RAPGEF2: variants seen among roughly 807,000 people sequenced by gnomAD.
RAPGEF2 encodes PDZ domain containing guanine nucleotide exchange factor (GEF) 1.
A neutral mutation model predicts 186.7 loss-of-function variants in RAPGEF2; 54 were observed. The observed-to-expected ratio is 0.29, with a 90% confidence interval of 0.23 to 0.36. The LOEUF (loss-of-function observed/expected upper bound fraction) is 0.36, where lower values mean the gene tolerates loss of function less well. Ranked by LOEUF, RAPGEF2 falls within the 10% of genes least tolerant of loss-of-function variation. RAPGEF2 has a pLI of 1.00. For synonymous variants in RAPGEF2, 712 were observed against 705.9 expected, an observed-to-expected ratio of 1.01 and a Z score of -0.14; for missense variants, 1,532 against 2,045.0, an observed-to-expected ratio of 0.75 and a Z score of 4.84.
At chr4:159,327,097 G>A (rs1766028653) in intron 11 of RAPGEF2, 1 of 152,184 alleles carries the variant, frequency 6.6e-6, no homozygotes, top group South Asian at 2.1e-4. Flanking sequence ...ACAGTTTGCT[G>A]TGGATAAATT....
At chr4:159,230,742 A>G (rs1375011548) in intron 4 of RAPGEF2, among the ~76,000 whole-genome samples, 1 of 152,170 alleles carries the variant, frequency 6.6e-6, no homozygotes, top group African/African-American at 2.4e-5. Context: ...TCAACTAGCT[A>G]GTGAGTGAGC....
chr4:159,216,582 G>A (rs1751014064), intron 4 of RAPGEF2, among the ~76,000 whole-genome samples: 1 of 152,020 alleles, frequency 6.6e-6, no homozygotes, highest in Middle Eastern at 3.2e-3. Context: ...TATCTAGAAT[G>A]CAAGTGTAGT....
At chr4:159,321,204 CTTTT>C (rs33926132) in intron 9 of RAPGEF2, among the ~76,000 whole-genome samples, 5 of 140,184 alleles carry the variant, frequency 3.6e-5, no homozygotes, top group Non-Finnish European at 4.6e-5. Context: ...GTCACTGCCA[CTTTT>C]TTTTTTTTTT....
intron 1 of RAPGEF2, among the ~76,000 whole-genome samples, chr4:159,116,495 G>A (rs1739066429): frequency 6.6e-6 from 1 of 152,172 alleles, no homozygotes; most frequent in African/African-American, 2.4e-5. Flanking sequence ...GTGGAAGACG[G>A]TGTGGTGATT....
At chr4:159,282,445 T>C (rs1759853476) in intron 7 of RAPGEF2, 1 of 239,482 alleles carries the variant, frequency 4.2e-6, no homozygotes, top group Non-Finnish European at 8.3e-6. Context: ...GTAAGACCTG[T>C]CTTTGTAGTC....
chr4:159,168,907 A>C (rs943635119), intron 1 of RAPGEF2, among the ~76,000 whole-genome samples: 4 of 152,254 alleles, frequency 2.6e-5, no homozygotes, highest in Non-Finnish European at 4.4e-5. Context: ...AGTGGAAGAA[A>C]GCATTTGTGA....
Position 159,306,070 on chromosome 4 carries a change from A to G in RAPGEF2, c.675+1597A>G, listed in dbSNP as rs112351872. Among the ~76,000 whole-genome samples the G allele has an allele frequency of 1.9e-3, 295 of 151,848 alleles. 4 individuals are homozygous for G. Among genetic ancestry groups the G allele is most frequent in the Non-Finnish European group, 3.7e-3 (249 of 67,820 alleles). ...GTTTTAGTTATTATAACCTTGTAGTATAATTTGTTCTTTCTGCTCAAGATT... is the reference window on the plus strand; with the variant it reads ...GTTTTAGTTATTATAACCTTGTAGTGTAATTTGTTCTTTCTGCTCAAGATT... On this transcript the variant is annotated intron_variant, in intron 8 of 29. Transcript: ENST00000691494.
At chr4:159,234,594 C>T (rs11100211) in intron 4 of RAPGEF2, among the ~76,000 whole-genome samples, 51,405 of 142,078 alleles carry the variant, frequency 0.36, 9,737 homozygotes, top group Non-Finnish European at 0.41. Flanking sequence ...CTCGCTCTGT[C>T]GCCCAGGCTG....
chr4:159,277,754 C>T (rs901992483), intron 7 of RAPGEF2, among the ~76,000 whole-genome samples: 2 of 152,126 alleles, frequency 1.3e-5, no homozygotes, highest in African/African-American at 4.8e-5. Context: ...ATATCCTTTG[C>T]CCGCTTTTTT....
intron 7 of RAPGEF2, among the ~76,000 whole-genome samples, chr4:159,251,963 A>G (rs1218280066): frequency 6.6e-6 from 1 of 151,880 alleles, no homozygotes; most frequent in Non-Finnish European, 1.5e-5. Flanking sequence ...GGAGGTCTGC[A>G]GCTTCCCTCC....
intron 6 of RAPGEF2, among the ~76,000 whole-genome samples, chr4:159,243,015 A>T (rs1380039962): frequency 6.6e-6 from 1 of 151,760 alleles, no homozygotes; most frequent in Non-Finnish European, 1.5e-5. Flanking sequence ...CCTCACCCCC[A>T]GCGTGATTCC....
intron 1 of RAPGEF2, 45 bp from the exon 2 acceptor site, chr4:159,186,596 CT>C: frequency 9.4e-7 from 1 of 1,062,068 alleles, no homozygotes; most frequent in Non-Finnish European, 1.3e-6. Context: ...TTAGAAACCC[CT>C]TTTCCTGACA....
At chr4:159,251,752 A>G (rs1360645198) in intron 7 of RAPGEF2, among the ~76,000 whole-genome samples, 1 of 151,930 alleles carries the variant, frequency 6.6e-6, no homozygotes, top group Non-Finnish European at 1.5e-5. Context: ...CGGGCCAATC[A>G]GCTGTCTGTA....
chr4:159,127,664 C>T (rs948088245), intron 1 of RAPGEF2, among the ~76,000 whole-genome samples: 6 of 152,026 alleles, frequency 3.9e-5, no homozygotes, highest in Non-Finnish European at 8.8e-5. Context: ...GTCTCCATGG[C>T]GTTTTATAAT....
intron 3 of RAPGEF2, 72 bp downstream of exon 3, chr4:159,193,328 T>A: frequency 1.1e-6 from 1 of 884,262 alleles, no homozygotes; most frequent in Non-Finnish European, 1.6e-6. Flanking sequence ...ATCAAAGGAG[T>A]ATTAGTAACA....
intron 8 of RAPGEF2, among the ~76,000 whole-genome samples, chr4:159,313,993 T>G (rs190465802): frequency 2.0e-4 from 31 of 152,338 alleles, no homozygotes; most frequent in African/African-American, 7.2e-4. Flanking sequence ...ATTACCTGTG[T>G]TGATGAATGG....
intron 19 of RAPGEF2, among the ~76,000 whole-genome samples, chr4:159,340,811 AC>A (rs1472852122): frequency 7.0e-6 from 1 of 142,910 alleles, no homozygotes; most frequent in African/African-American, 2.6e-5. Flanking sequence ...ACACACACAC[AC>A]ACGTGTGCGT....
chr4:159,295,726 T>TGA (rs1561229825), intron 7 of RAPGEF2, among the ~76,000 whole-genome samples: 5 of 65,762 alleles, frequency 7.6e-5, no homozygotes, highest in Non-Finnish European at 1.1e-4. Context: ...TGTGAGTGTG[T>TGA]GTGTGTGTGT....
At chr4:159,231,014 C>G (rs1172122331) in intron 4 of RAPGEF2, among the ~76,000 whole-genome samples, 1 of 152,090 alleles carries the variant, frequency 6.6e-6, no homozygotes, top group East Asian at 1.9e-4. Context: ...TAGTCATGCA[C>G]TGTGTAATAA....
Sources: allele counts gnomAD v4.1 joint callset (sites outside exome capture counted in the v4.1 genomes callset), GRCh38; gene constraint gnomAD v4.1.1; transcripts MANE v1.5; gene names NCBI Gene and HGNC (gene_info 2026-07-23, HGNC 2026-07-21).